The following SHOX variants were observed in gnomAD, a reference collection of about 807,000 sequenced individuals.
The protein encoded by SHOX is short stature homeobox protein.
A neutral mutation model predicts 29.6 loss-of-function variants in SHOX; 12 were observed. The observed-to-expected ratio is 0.41, with a 90% CI of 0.26 to 0.66. The LOEUF (loss-of-function observed/expected upper bound fraction) is 0.66, where lower values mean the gene tolerates loss of function less well. Among genes scored for constraint, SHOX ranks in the 30% least tolerant of loss-of-function variants. The pLI is 0.35. For missense variants in SHOX, 499 were observed against 437.7 expected (o/e 1.14, Z -1.25); for synonymous variants, 214 against 200.6 (o/e 1.07, Z -0.57).
rs1430868636 is a variant in SHOX at position 650,681 on chromosome X, C to T, written c.*6045C>T. Among the ~76,000 whole-genome samples the T allele has an allele frequency of 6.6e-6, 1 of 151,266 alleles. No homozygotes were observed. Among genetic ancestry groups the T allele is most frequent in the African/African-American group, 2.4e-5 (1 of 41,144 alleles). The stretch of plus-strand genomic sequence containing the variant: ...GGGACATAGCGAGGATGGCACACGG[C>T]AGCCACTCCCACGACACACATTTCG... On this transcript the variant is annotated 3_prime_UTR_variant, in exon 5 of 5. Transcript: ENST00000686671.
chrX:636,859 C>G (rs1199744950), intron 2 of SHOX, among the ~76,000 whole-genome samples: 1 of 144,970 alleles, frequency 6.9e-6, no homozygotes, highest in African/African-American at 2.5e-5. Context: ...TCAACACATT[C>G]AAACACAACT....
At chrX:627,332 G>C (rs1343711092), upstream of SHOX, among the ~76,000 whole-genome samples, 1 of 152,172 alleles carries the variant, frequency 6.6e-6, no homozygotes, top group Middle Eastern at 3.2e-3. Context: ...ATGTTATCAA[G>C]CACTCAAACG....
Position 634,350 on chromosome X carries a change from G to C in SHOX, c.278-268G>C, listed in dbSNP as rs147513803. Reference sequence around the variant, plus strand: ...TTAAAAAAAAAAATAAGAAAAAAAGGTTAGGTTATGTCAACAGAGGTGAAG... The same window carrying C: ...TTAAAAAAAAAAATAAGAAAAAAAGCTTAGGTTATGTCAACAGAGGTGAAG... On this transcript the variant is annotated intron_variant, in intron 1 of 4. Transcript: ENST00000686671. Among the ~76,000 whole-genome samples, 295 of 152,258 alleles carry C rather than the reference G, an allele frequency of 1.9e-3. 2 individuals are homozygous for C. The highest frequency in any genetic ancestry group is 6.8e-3 in the Middle Eastern group (2 of 294).
At chrX:652,081 C>T (rs1288231696), downstream of SHOX, among the ~76,000 whole-genome samples, 5 of 152,168 alleles carry the variant, frequency 3.3e-5, no homozygotes, top group South Asian at 4.2e-4. Flanking sequence ...TGCACCACCG[C>T]GCCCGGCTCA....
upstream of SHOX, among the ~76,000 whole-genome samples, chrX:630,115 C>G (rs950581014): frequency 1.2e-4 from 18 of 152,028 alleles, no homozygotes; most frequent in Admixed American, 1.1e-3. Context: ...GAGGCGGCCC[C>G]GGGGATCCTC....
In SHOX at chrX:649,872, G is replaced by A. The variant is rs981629588; in HGVS notation, c.*5236G>A. ...CAAAAAACACTTCTTCCTTTGAGTG[G>A]CTGTTCTGGTGAAATCTGTTTCTGA... On this transcript the variant is annotated 3_prime_UTR_variant, in exon 5 of 5. Transcript: ENST00000686671. 2 of 455,572 alleles carry A rather than the reference G, an allele frequency of 4.4e-6. No homozygotes were observed. Among genetic ancestry groups the A allele is most frequent in the African/African-American group, 4.0e-5 (2 of 50,026 alleles). The allele number at this position is 455,572 out of a possible 1,614,324, so 28.2% of individuals were successfully genotyped here.
chrX:644,138 C>A (rs2052919304), intron 4 of SHOX, among the ~76,000 whole-genome samples: 1 of 152,136 alleles, frequency 6.6e-6, no homozygotes, highest in Admixed American at 6.5e-5. Context: ...ATTTGTGGAC[C>A]CCCCTCCCAT....
At chrX:655,441 C>CA (rs199961482), downstream of SHOX, among the ~76,000 whole-genome samples, 4,320 of 151,310 alleles carry the variant, frequency 0.029, 79 homozygotes, top group Middle Eastern at 0.034. Context: ...CTTTTCTCTC[C>CA]AAAAAATCAA....
chrX:639,999 TCAAAAACAAAATAAAA>T (rs2052822529), intron 2 of SHOX, among the ~76,000 whole-genome samples: 1 of 150,540 alleles, frequency 6.6e-6, no homozygotes, highest in South Asian at 2.1e-4. Flanking sequence ...AGACTCTGTC[TCAAAAACAAAATAAAA>T]CAAAAACAAA....
At chrX:659,010 C>T (rs930811501) in exon 6 of SHOX, 66 of 166,204 alleles carry the variant, frequency 4.0e-4, no homozygotes, top group Non-Finnish European at 7.6e-4. Context: ...GGTGATCCAC[C>T]CGCCTTAGCC....
chrX:625,680 T>A, intron 1 of SHOX, among the ~76,000 whole-genome samples: 1 of 138,834 alleles, frequency 7.2e-6, no homozygotes, highest in African/African-American at 2.7e-5. Flanking sequence ...TCTCTCTCTT[T>A]TTTTCTCTCT....
In SHOX at chrX:651,176, C is replaced by T; in HGVS notation, c.*6540C>T. On this transcript the variant is annotated 3_prime_UTR_variant, in exon 5 of 5. Transcript: ENST00000686671. ...ATTATGTCGAGTGTAAATTTGACAT[C>T]GCGTTGCATTTATTTTTATATTTCT... 2.5e-6 allele frequency: 1 copy of T among 404,486 alleles called. No homozygotes were observed. The allele number at this position is 404,486 out of a possible 1,614,324, so 25.1% of individuals were successfully genotyped here.
At chrX:654,876 C>T (rs1347348635), downstream of SHOX, among the ~76,000 whole-genome samples, 1 of 147,894 alleles carries the variant, frequency 6.8e-6, no homozygotes, top group Non-Finnish European at 1.5e-5. Flanking sequence ...TTAGTAGAGA[C>T]GAGGTTTCCC....
In SHOX at chrX:645,906, T is replaced by C. The variant is rs1049032951; in HGVS notation, c.*1270T>C. ...CCCCAGTTCTTTTATTTCTTTGTTT[T>C]TTATTTTTGAGACAGAGACTTGCTT... On this transcript the variant is annotated 3_prime_UTR_variant, in exon 5 of 5. Transcript: ENST00000686671. 22 of 152,222 alleles carry C rather than the reference T, an allele frequency of 1.4e-4. No homozygotes were observed. Among genetic ancestry groups the C allele is most frequent in the African/African-American group, 4.6e-4 (19 of 41,450 alleles). The allele number at this position is 152,222 out of a possible 1,614,324, so 9.4% of individuals were successfully genotyped here.
At position 650,450 on chromosome X, in the gene SHOX, C is replaced by T. The variant is rs2053037449; in HGVS notation, c.*5814C>T. On this transcript the variant is annotated 3_prime_UTR_variant, in exon 5 of 5. Coordinates refer to ENST00000686671, the MANE Select transcript of SHOX (RefSeq NM_000451.4). ...AGCACGTGGGAGCATCTGTGGATAC[C>T]GCAGAGTCTGGGGACAGCTGGGCGT... Among the ~76,000 whole-genome samples, 1 of 152,054 alleles carries T rather than the reference C, an allele frequency of 6.6e-6. No homozygotes were observed. Among genetic ancestry groups the T allele is most frequent in the South Asian group, 2.1e-4 (1 of 4,824 alleles).
At position 644,721 on chromosome X, in the gene SHOX, GGA is replaced by G; in HGVS notation, c.*87_*88del. Reference sequence around the variant, plus strand: ...GCGCGTCCTGCACTCAACCCCGCCTGGAGCTCCTTCCGCGGCCACCGTGCTCC... The same window carrying G: ...GCGCGTCCTGCACTCAACCCCGCCTGGCTCCTTCCGCGGCCACCGTGCTCC... On this transcript the variant is annotated 3_prime_UTR_variant, in exon 5 of 5. Coordinates refer to ENST00000686671, the MANE Select transcript of SHOX (RefSeq NM_000451.4). The G allele has an allele frequency of 7.5e-7, 1 of 1,338,622 alleles. No individual in the cohort carries two copies. The highest frequency in any genetic ancestry group is 9.5e-7 in the Non-Finnish European group (1 of 1,050,940). 82.9% of individuals were successfully genotyped at this position (1,338,622 alleles called of 1,614,324 possible).
rs1491190458 is a variant in SHOX, at chrX:648,896, C to CTTCT, written c.*4263_*4264insTTTC. ...CCCTCTTCTCTCTCCCTTCTCCTTC[C>CTTCT]TTCCTTCCTTCCTTTCTTTCTTTTT... On this transcript the variant is annotated 3_prime_UTR_variant, in exon 5 of 5. Coordinates refer to ENST00000686671, the MANE Select transcript of SHOX (RefSeq NM_000451.4). 4.9e-4 allele frequency among the ~76,000 whole-genome samples: 67 copies of CTTCT among 135,900 alleles called. No individual in the cohort carries two copies. The highest frequency in any genetic ancestry group is 9.7e-4 in the Non-Finnish European group (59 of 60,676). 89.2% of individuals were successfully genotyped at this position (135,900 alleles called of 152,430 possible). A position where few individuals can be genotyped will look rare whatever the true frequency, so the allele number is the denominator to read the frequency against.
upstream of SHOX, among the ~76,000 whole-genome samples, chrX:626,367 C>A (rs867928457): frequency 2.3e-5 from 3 of 129,436 alleles, no homozygotes; most frequent in Admixed American, 2.3e-4. Flanking sequence ...TCTCTCTCTC[C>A]TCTCTCTCTT....
intron 2 of SHOX, among the ~76,000 whole-genome samples, chrX:637,738 A>G (rs956984582): frequency 1.4e-4 from 21 of 152,164 alleles, no homozygotes; most frequent in Admixed American, 6.6e-4. Context: ...ACAGAAAAAG[A>G]AACCATATTT....
Sources: allele counts gnomAD v4.1 joint callset (sites outside exome capture counted in the v4.1 genomes callset), GRCh38; gene constraint gnomAD v4.1.1; transcripts MANE v1.5; gene names NCBI Gene and HGNC (gene_info 2026-07-23, HGNC 2026-07-21).